The following LRIF1 variants were observed in gnomAD, a reference collection of about 807,000 sequenced individuals.
LRIF1 encodes the protein ligand dependent nuclear receptor interacting factor 1.
LRIF1 carries 32 observed loss-of-function variants against 52.7 expected under a neutral mutation model. The observed-to-expected ratio is 0.61, with a 90% CI of 0.46 to 0.82. LRIF1 has a LOEUF of 0.82. Ranked by LOEUF, LRIF1 falls within the 40% of genes least tolerant of loss-of-function variation. The pLI is 0.00. For missense variants in LRIF1, 887 were observed against 892.0 expected (o/e 0.99, Z 0.07); for synonymous variants, 323 against 317.4 (o/e 1.02, Z -0.19).
chr1:110,961,242 C>T (rs1324043095), intron 1 of LRIF1, among the ~76,000 whole-genome samples: 2 of 152,152 alleles, frequency 1.3e-5, no homozygotes, highest in Non-Finnish European at 2.9e-5. Context: ...GTAAGGTTTT[C>T]CCTGGCAACA....
At chr1:110,935,428 G>A in the LRIF1 span, among the ~76,000 whole-genome samples, 42 of 152,294 alleles carry the variant, frequency 2.8e-4, no homozygotes, top group African/African-American at 1.0e-3. Flanking sequence ...GAAACTCACA[G>A]AAATTCAAGA....
chr1:110,921,020 A>AG, the LRIF1 span, among the ~76,000 whole-genome samples: 1 of 152,138 alleles, frequency 6.6e-6, no homozygotes, highest in Non-Finnish European at 1.5e-5. Flanking sequence ...AAATGAAGAG[A>AG]GGGAAAAAAG....
the LRIF1 span, chr1:110,938,876 C>T: frequency 6.6e-6 from 1 of 152,144 alleles, no homozygotes; most frequent in Middle Eastern, 3.4e-3. Flanking sequence ...GATACAAAAA[C>T]AACATAAAAA....
At chr1:110,898,802 A>G in the LRIF1 span, among the ~76,000 whole-genome samples, 1 of 152,202 alleles carries the variant, frequency 6.6e-6, no homozygotes, top group South Asian at 2.1e-4. Flanking sequence ...GGCACAGAGC[A>G]TGGATAGAGA....
the LRIF1 span, among the ~76,000 whole-genome samples, chr1:110,932,794 C>T: frequency 6.6e-6 from 1 of 152,156 alleles, no homozygotes; most frequent in South Asian, 2.1e-4. Context: ...ATTGGTGAAT[C>T]TTGTCTGCAG....
the LRIF1 span, chr1:110,892,636 T>C: frequency 1.2e-5 from 12 of 967,096 alleles, no homozygotes; most frequent in South Asian, 3.1e-5. Context: ...AGAAAGATCA[T>C]AGGAAAATGA....
chr1:110,920,194 T>G, the LRIF1 span, among the ~76,000 whole-genome samples: 1 of 152,176 alleles, frequency 6.6e-6, no homozygotes, highest in African/African-American at 2.4e-5. Context: ...CTCTTTGGTG[T>G]TTACCCAAAA....
chr1:110,929,312 C>A, the LRIF1 span, among the ~76,000 whole-genome samples: 1 of 152,114 alleles, frequency 6.6e-6, no homozygotes. Context: ...AATGGTAATT[C>A]GATTTTGGCT....
the LRIF1 span, among the ~76,000 whole-genome samples, chr1:110,895,926 C>T: frequency 6.6e-6 from 1 of 152,016 alleles, no homozygotes; most frequent in East Asian, 1.9e-4. Flanking sequence ...TTTAATACAC[C>T]TAAAATTTTA....
the LRIF1 span, among the ~76,000 whole-genome samples, chr1:110,914,917 T>C: frequency 1.3e-5 from 2 of 152,162 alleles, no homozygotes; most frequent in Non-Finnish European, 2.9e-5. Flanking sequence ...ATAGTAGAAT[T>C]GAAGATATGA....
chr1:110,925,516 T>C, the LRIF1 span, among the ~76,000 whole-genome samples: 3 of 152,126 alleles, frequency 2.0e-5, no homozygotes. Context: ...AGAGAGTATT[T>C]ACAAAAAAAC....
intron 1 of LRIF1, among the ~76,000 whole-genome samples, chr1:110,953,753 C>T (rs546468071): frequency 2.6e-5 from 4 of 152,280 alleles, no homozygotes; most frequent in African/African-American, 9.6e-5. Flanking sequence ...TTTCATGTCA[C>T]ACATACTATC....
At chr1:110,922,381 A>C in the LRIF1 span, among the ~76,000 whole-genome samples, 1 of 152,224 alleles carries the variant, frequency 6.6e-6, no homozygotes, top group Admixed American at 6.5e-5. Context: ...TGCAGCAAGA[A>C]GGCCCTCACC....
At chr1:110,939,391 A>G in the LRIF1 span, 1 of 151,114 alleles carries the variant, frequency 6.6e-6, no homozygotes, top group Admixed American at 6.6e-5. Flanking sequence ...AAAAAAAAAA[A>G]AAAAAAAGTC....
At chr1:110,893,241 G>A in the LRIF1 span, among the ~76,000 whole-genome samples, 4 of 152,294 alleles carry the variant, frequency 2.6e-5, no homozygotes, top group Admixed American at 1.3e-4. Flanking sequence ...TAATCACATT[G>A]GTTCTTCCTT....
chr1:110,905,538 A>G, the LRIF1 span, among the ~76,000 whole-genome samples: 1 of 152,196 alleles, frequency 6.6e-6, no homozygotes, highest in African/African-American at 2.4e-5. Flanking sequence ...ACCAGCAAAA[A>G]TATCCTTCAA....
the LRIF1 span, chr1:110,894,955 C>A: frequency 1.2e-6 from 2 of 1,609,962 alleles, no homozygotes; most frequent in Non-Finnish European, 1.7e-6. Context: ...AATGTGCCTG[C>A]CCAGCTGAAT....
chr1:110,926,695 A>G, the LRIF1 span, among the ~76,000 whole-genome samples: 1 of 152,090 alleles, frequency 6.6e-6, no homozygotes, highest in African/African-American at 2.4e-5. Context: ...TGTATCAATT[A>G]CCTCTGCATT....
intron 1 of LRIF1, among the ~76,000 whole-genome samples, chr1:110,954,425 T>C (rs143263593): frequency 6.6e-6 from 1 of 152,244 alleles, no homozygotes; most frequent in Non-Finnish European, 1.5e-5. Flanking sequence ...AGACCACAGA[T>C]GCACGCCACC....
Sources: gnomAD v4.1 joint callset for allele counts (sites outside exome capture counted in the v4.1 genomes callset) on GRCh38, gnomAD v4.1.1 for gene constraint, MANE v1.5 for transcripts, NCBI Gene and HGNC (gene_info 2026-07-23, HGNC 2026-07-21) for gene names.